Variants in MAP3K10 observed in about 807,000 individuals in gnomAD.
The protein encoded by MAP3K10 is mitogen-activated protein kinase kinase kinase 10.
Under a neutral mutation model 75.0 loss-of-function variants are expected in MAP3K10, and 22 were observed. The ratio of observed to expected loss-of-function variants is 0.29; its 90% confidence interval spans 0.21 to 0.42. MAP3K10 has a LOEUF of 0.42. Among genes scored for constraint, MAP3K10 ranks in the 10% least tolerant of loss-of-function variants. The pLI, the probability that MAP3K10 is intolerant of heterozygous loss-of-function variation, is 1.00. For missense variants in MAP3K10, 1,165 were observed against 1,379.8 expected, an observed-to-expected ratio of 0.84 and a Z score of 2.47; for synonymous variants, 599 against 612.9, an observed-to-expected ratio of 0.98 and a Z score of 0.34.
At chr19:40,214,283 C>G in intron 9 of MAP3K10, 62 bp downstream of exon 9, 1 of 1,360,062 alleles carries the variant, frequency 7.4e-7, no homozygotes, top group Non-Finnish European at 9.4e-7. Flanking sequence ...CTGCCAGGGT[C>G]GCAAGTCCAG....
Position 40,214,012 on chromosome 19 carries a change from CCTCCCCGCCCGCGCCCA to C in MAP3K10, c.2335_2351del (p.Ser779ThrfsTer67). 6.7e-7 allele frequency: 1 copy of C among 1,499,876 alleles called. No homozygotes were observed. The highest frequency in any genetic ancestry group is 8.9e-7 in the Non-Finnish European group (1 of 1,127,062). 92.9% of individuals were successfully genotyped at this position (1,499,876 alleles called of 1,614,324 possible). Reference sequence around the variant, plus strand: ...GCACCGGCCGCGCCCTCCCCACCACCCTCCCCGCCCGCGCCCACACCCACGCCCTCGCCCAGCACCAA... The same window carrying C: ...GCACCGGCCGCGCCCTCCCCACCACCCACCCACGCCCTCGCCCAGCACCAA... On this transcript the variant is annotated frameshift_variant, in exon 9 of 10. Transcript: ENST00000253055. LOFTEE classifies it high-confidence loss of function.
In MAP3K10 at chr19:40,212,973, AGAGGT is replaced by A; in HGVS notation, c.1724+4_1724+8del. ...CAGAAGGAGCGGGTGGGAGGAGAGG[AGAGGT>A]GAGGTGTGGTGTGGTCATGCCCACC... is the stretch of plus-strand genomic sequence containing the variant. On this transcript the variant is annotated splice_donor_variant and coding_sequence_variant, in exon 7 of 10. Transcript: ENST00000253055. LOFTEE classifies it high-confidence loss of function. The surrounding 1 kb of genome is among the most constrained non-coding windows in gnomAD (Gnocchi z 4.2). 1 of 1,601,408 alleles carries A rather than the reference AGAGGT, an allele frequency of 6.2e-7. No homozygotes were observed. The highest frequency in any genetic ancestry group is 8.5e-7 in the Non-Finnish European group (1 of 1,173,512).
intron 5 of MAP3K10, among the ~76,000 whole-genome samples, chr19:40,208,345 C>CTTTTTTTTTT (rs747110243): frequency 0.011 from 590 of 55,820 alleles, 5 homozygotes; most frequent in Middle Eastern, 0.023. Flanking sequence ...CTCTTTCTTT[C>CTTTTTTTTTT]TTTTTTTTTT....
chr19:40,210,632 C>T (rs1030704343), intron 6 of MAP3K10, among the ~76,000 whole-genome samples: 1 of 151,492 alleles, frequency 6.6e-6, no homozygotes, highest in African/African-American at 2.4e-5. Flanking sequence ...ACCTGAGAGG[C>T]GGAGGTTGCA....
In MAP3K10 at chr19:40,210,064, G is replaced by A. The variant is rs1034794195; in HGVS notation, c.1552+845G>A. Among the ~76,000 whole-genome samples the A allele has an allele frequency of 7.9e-5, 12 of 151,140 alleles. No individual in the cohort carries two copies. In the East Asian group the frequency reaches 8.0e-4, roughly 10 times the overall value. ...AGGCGGATCACGAGGTCAGGAGATC[G>A]AGACCATCCTGGCTAATACGGTGAA... On this transcript the variant is annotated intron_variant, in intron 6 of 9. Coordinates refer to ENST00000253055, the MANE Select transcript of MAP3K10 (RefSeq NM_002446.4).
chr19:40,202,331 C>T (rs905903259), intron 2 of MAP3K10, among the ~76,000 whole-genome samples: 3 of 152,220 alleles, frequency 2.0e-5, no homozygotes, highest in Non-Finnish European at 4.4e-5. Context: ...TGAGCCACCG[C>T]GCCCGGCCTC....
At chr19:40,214,335 G>T in intron 9 of MAP3K10, 114 bp downstream of exon 9, 2 of 1,212,668 alleles carry the variant, frequency 1.6e-6, no homozygotes, top group Non-Finnish European at 2.1e-6. Flanking sequence ...TGCTTCTTGT[G>T]GAGGAGGGAG....
In MAP3K10 at chr19:40,205,070, G is replaced by T; in HGVS notation, c.1013-51G>T. On this transcript the variant is annotated intron_variant, in intron 3 of 9. Transcript: ENST00000253055. This position sits in a 1 kb window ranked among gnomAD's most constrained non-coding sequence, Gnocchi z 4.3. Reference sequence around the variant, plus strand: ...TGAGCAGGCTGAGTCCCCAGAGCATGACCACTGACACCTCCATGCCCCACC... The same window carrying T: ...TGAGCAGGCTGAGTCCCCAGAGCATTACCACTGACACCTCCATGCCCCACC... The T allele has an allele frequency of 1.3e-6, 2 of 1,556,542 alleles. No individual in the cohort carries two copies. The highest frequency in any genetic ancestry group is 2.2e-5 in the South Asian group (2 of 89,206).
At position 40,192,097 on chromosome 19, in the gene MAP3K10, C is replaced by G; in HGVS notation, c.66C>G (p.Thr22=). The change falls in exon 1 of 10, where the codon ACC becomes ACG. Residue 22 remains threonine, a synonymous_variant. Coordinates refer to ENST00000253055, the MANE Select transcript of MAP3K10 (RefSeq NM_002446.4). The surrounding 1 kb of genome is among the most constrained non-coding windows in gnomAD (Gnocchi z 7.1). ...WGTTPAGPVW[T]AVFDYEAAGD... is the part of the protein sequence containing the mutation. ...CGACCCCCGCGGGGCCCGTCTGGAC[C>G]GCGGTGTTCGACTACGAGGCGGCGG... 6.5e-7 allele frequency: 1 copy of G among 1,548,952 alleles called. No individual in the cohort carries two copies. Among genetic ancestry groups the G allele is most frequent in the Non-Finnish European group, 8.7e-7 (1 of 1,150,882 alleles).
At chr19:40,209,704 G>A (rs1334162992) in intron 6 of MAP3K10, among the ~76,000 whole-genome samples, 2 of 151,964 alleles carry the variant, frequency 1.3e-5, no homozygotes, top group South Asian at 2.1e-4. Flanking sequence ...ATGAGCCACC[G>A]CGCCCGGGCG....
At chr19:40,209,326 C>A in intron 6 of MAP3K10, 107 bp downstream of exon 6, 1 of 728,140 alleles carries the variant, frequency 1.4e-6, no homozygotes. Context: ...AGAAAGAAGA[C>A]AGACAAGGCC....
At position 40,213,601 on chromosome 19, in the gene MAP3K10, C is replaced by A; in HGVS notation, c.1922C>A (p.Pro641His). 6.3e-7 allele frequency: 1 copy of A among 1,591,558 alleles called. No homozygotes were observed. The highest frequency in any genetic ancestry group is 8.5e-7 in the Non-Finnish European group (1 of 1,170,520). The change falls in exon 9 of 10, where the codon CCT becomes CAT. Residue 641 changes from proline (P) to histidine (H), a missense_variant. Transcript: ENST00000253055. This position sits in a 1 kb window ranked among gnomAD's most constrained non-coding sequence, Gnocchi z 5.7. ...CCGTCCTACCTCTCAGTGCCACTGC[C>A]TGCCGAGCCCTCCCCGGGGGCGCGG... ...STPSYLSVPL[P>H]AEPSPGARAP...
At position 40,213,121 on chromosome 19, in the gene MAP3K10, C is replaced by A; in HGVS notation, c.1770C>A (p.Ala590=). 6.2e-7 allele frequency: 1 copy of A among 1,604,706 alleles called. No homozygotes were observed. Among genetic ancestry groups the A allele is most frequent in the Non-Finnish European group, 8.5e-7 (1 of 1,176,456 alleles). ...GEGSKQWSSS[A]PNLGKSPKHT... Reference sequence around the variant, plus strand: ...GAAGCAAACAGTGGTCATCAAGTGCCCCCAACCTGGGCAAGTCCCCCAAAC... The same window carrying A: ...GAAGCAAACAGTGGTCATCAAGTGCACCCAACCTGGGCAAGTCCCCCAAAC... Residue 590 remains alanine, a synonymous_variant, in exon 8 of 10, where the codon GCC becomes GCA. Coordinates refer to ENST00000253055, the MANE Select transcript of MAP3K10 (RefSeq NM_002446.4). This position sits in a 1 kb window ranked among gnomAD's most constrained non-coding sequence, Gnocchi z 5.7.
rs551691594 is a variant in MAP3K10 at position 40,212,469 on chromosome 19, C to G, written c.1553-336C>G. Among the ~76,000 whole-genome samples the G allele has an allele frequency of 3.9e-5, 6 of 152,248 alleles. No individual in the cohort carries two copies. Among genetic ancestry groups the G allele is most frequent in the African/African-American group, 1.4e-4 (6 of 41,522 alleles). On this transcript the variant is annotated intron_variant, in intron 6 of 9. Coordinates refer to ENST00000253055, the MANE Select transcript of MAP3K10 (RefSeq NM_002446.4). The surrounding 1 kb of genome is among the most constrained non-coding windows in gnomAD (Gnocchi z 4.2). ...CAGGTACAGAGATGAAGGCAGCTGA[C>G]CCCCAGGGAACTAACTACCCAGAGC...
chr19:40,213,962 G>A lies in MAP3K10; in HGVS notation c.2283G>A (p.Leu761=), dbSNP rs1176531171. 2 of 1,535,548 alleles carry A rather than the reference G, an allele frequency of 1.3e-6. No homozygotes were observed. Among genetic ancestry groups the A allele is most frequent in the Admixed American group, 3.9e-5 (2 of 51,472 alleles). Residue 761 remains leucine (L), a synonymous_variant, in exon 9 of 10, where the codon CTG becomes CTA. Coordinates refer to ENST00000253055, the MANE Select transcript of MAP3K10 (RefSeq NM_002446.4). This position sits in a 1 kb window ranked among gnomAD's most constrained non-coding sequence, Gnocchi z 5.7. ...CCGACTGCAACTCCACGCGTTCACTGCTGCGCTCTGACAGTGACGAGGCCG... is the reference window on the plus strand; with the variant it reads ...CCGACTGCAACTCCACGCGTTCACTACTGCGCTCTGACAGTGACGAGGCCG... ...SVSDCNSTRS[L]LRSDSDEAAP...
intron 1 of MAP3K10, among the ~76,000 whole-genome samples, chr19:40,195,707 C>A (rs1249004886): frequency 6.6e-6 from 1 of 151,990 alleles, no homozygotes; most frequent in Non-Finnish European, 1.5e-5. Context: ...GTTGGCCAGG[C>A]TGGTCTTGAA....
Position 40,191,679 on chromosome 19 carries a change from A to C in MAP3K10, c.-353A>C. 26 of 170,034 alleles carry C rather than the reference A, an allele frequency of 1.5e-4. No individual in the cohort carries two copies. The highest frequency in any genetic ancestry group is 2.7e-4 in the Non-Finnish European group (22 of 80,862). 10.5% of individuals were successfully genotyped at this position (170,034 alleles called of 1,614,324 possible). ...CTGCGCGGGGTGAGCGGCGCGGGGA[A>C]CGGGGACTGCCTGCCGCCCTCGCCC... On this transcript the variant is annotated 5_prime_UTR_variant, in exon 1 of 10. Coordinates refer to ENST00000253055, the MANE Select transcript of MAP3K10 (RefSeq NM_002446.4).
chr19:40,211,593 G>T (rs1421569096), intron 6 of MAP3K10, among the ~76,000 whole-genome samples: 3 of 132,604 alleles, frequency 2.3e-5, no homozygotes, highest in Admixed American at 1.8e-4. Context: ...TGATCTATTT[G>T]CTCAGCTCTC....
rs1973114139 is a variant in MAP3K10, at chr19:40,206,029, G to A, written c.1307G>A (p.Arg436Gln). Residue 436 changes from arginine to glutamine, a missense_variant, in exon 5 of 10, where the codon CGG (arginine) becomes CAG (glutamine). Arg to Gln is a conservative substitution (Grantham distance 43, BLOSUM62 1). Around this residue, in one of 2 missense-constraint regions of MAP3K10, gnomAD observed 575 missense variants for 793.2 expected, o/e 0.72. Coordinates refer to ENST00000253055, the MANE Select transcript of MAP3K10 (RefSeq NM_002446.4). ...LAEREMDIVERELHLLMCQLS... is the reference protein window; with the variant it reads ...LAEREMDIVEQELHLLMCQLS... ...GAACGTGAGATGGACATCGTGGAAC[G>A]GGAGCTGCACCTGCTCATGTGCCAG... 1.2e-6 allele frequency: 2 copies of A among 1,613,252 alleles called. No homozygotes were observed. The highest frequency in any genetic ancestry group is 1.1e-5 in the South Asian group (1 of 90,970).
Sources: gnomAD v4.1 joint callset for allele counts (sites outside exome capture counted in the v4.1 genomes callset) on GRCh38, gnomAD v4.1.1 for gene constraint, gnomAD v4.1.1 regional missense constraint, Gnocchi (gnomAD v3.1) non-coding constraint, MANE v1.5 for transcripts, NCBI Gene and HGNC (gene_info 2026-07-23, HGNC 2026-07-21) for gene names.